The following ZNF782 variants were observed in gnomAD, a reference collection of about 807,000 sequenced individuals.
ZNF782 encodes the protein zinc finger protein 782.
A neutral mutation model predicts 13.0 loss-of-function variants in ZNF782; 12 were observed. That is an observed-to-expected ratio of 0.92 (90% CI 0.59 to 1.50). The LOEUF (loss-of-function observed/expected upper bound fraction) is 1.50. Among genes scored for constraint, ZNF782 ranks in the 40% most tolerant of loss-of-function variants. The pLI is 0.00. For missense variants in ZNF782, 770 were observed against 822.9 expected (o/e 0.94, Z 0.79); for synonymous variants, 284 against 283.0 (o/e 1.00, Z -0.04).
chr9:96,851,863 C>T, intron 3 of ZNF782, 84 bp downstream of exon 3: 1 of 1,308,878 alleles, frequency 7.6e-7, no homozygotes, highest in South Asian at 1.2e-5. Flanking sequence ...TTATCTATTT[C>T]TCCTTTTCCA....
chr9:96,864,785 A>G (rs1464729074), intron 1 of ZNF782, among the ~76,000 whole-genome samples: 1 of 151,352 alleles, frequency 6.6e-6, no homozygotes, highest in Non-Finnish European at 1.5e-5. Context: ...TAATACTAGC[A>G]CTTTGGGAGG....
rs774112250 is a variant in ZNF782, at chr9:96,844,995, C to T, written c.37G>A (p.Val13Met). The change falls in exon 4 of 6, where the codon GTG becomes ATG. Residue 13 changes from valine (V) to methionine (M), a missense_variant. Physicochemically the swap from Val to Met is conservative, Grantham distance 21. Transcript: ENST00000481138. ...TCCTCCTGGCTGAATTCCACAGTCA[C>T]GTCCTGGAATGACACTGATGCCTGT... is the stretch of plus-strand genomic sequence containing the variant. The part of the protein sequence containing the change: ...TFQASVSFQD[V>M]TVEFSQEEWQ... The T allele has an allele frequency of 5.8e-5, 93 of 1,613,858 alleles. 1 individual carries two copies. The South Asian group carries it at 8.1e-4, about 14-fold the overall frequency.
chr9:96,820,154 T>G (rs2118303399), intron 5 of ZNF782, among the ~76,000 whole-genome samples: 1 of 152,274 alleles, frequency 6.6e-6, no homozygotes, highest in East Asian at 1.9e-4. Flanking sequence ...CAACATGAAG[T>G]AGATAACAAC....
chr9:96,917,887 C>CGTGTGTGTGT, the ZNF782 span, among the ~76,000 whole-genome samples: 1,222 of 121,682 alleles, frequency 0.01, 76 homozygotes, highest in African/African-American at 0.042. Context: ...CCACCCTTGG[C>CGTGTGTGTGT]GTGTGTGTGT....
intron 5 of ZNF782, among the ~76,000 whole-genome samples, chr9:96,820,938 C>A (rs1340734360): frequency 6.6e-6 from 1 of 152,188 alleles, no homozygotes; most frequent in African/African-American, 2.4e-5. Context: ...TGTCTTTGTC[C>A]AATCCTTAAT....
At chr9:96,822,694 A>G (rs562653172) in intron 5 of ZNF782, among the ~76,000 whole-genome samples, 1 of 152,302 alleles carries the variant, frequency 6.6e-6, no homozygotes, top group African/African-American at 2.4e-5. Context: ...TTTTAAAAAC[A>G]AGTACATAAG....
At chr9:96,924,709 G>T in the ZNF782 span, among the ~76,000 whole-genome samples, 10 of 152,152 alleles carry the variant, frequency 6.6e-5, no homozygotes, top group Non-Finnish European at 1.2e-4. Context: ...GAGGACAGGA[G>T]CTACTTCTTT....
upstream of ZNF782, among the ~76,000 whole-genome samples, chr9:96,880,125 T>C (rs1851945205): frequency 1.3e-5 from 2 of 152,156 alleles, no homozygotes; most frequent in Admixed American, 1.3e-4. Context: ...GATATTTATG[T>C]GTTGGCTTTG....
the ZNF782 span, among the ~76,000 whole-genome samples, chr9:96,886,915 C>A: frequency 7.1e-6 from 1 of 140,704 alleles, no homozygotes; most frequent in African/African-American, 2.8e-5. Flanking sequence ...AGAGCAAACT[C>A]CCTCTCGAAA....
At chr9:96,859,792 A>G (rs1221455183) in intron 3 of ZNF782, among the ~76,000 whole-genome samples, 1 of 152,192 alleles carries the variant, frequency 6.6e-6, no homozygotes, top group African/African-American at 2.4e-5. Context: ...GCTCAGCTAC[A>G]GTGGAGAAGA....
the ZNF782 span, chr9:96,887,926 C>A: frequency 2.7e-5 from 4 of 148,888 alleles, no homozygotes; most frequent in Admixed American, 2.7e-4. Flanking sequence ...AGACAAAAAA[C>A]CAAACACCAC....
the ZNF782 span, among the ~76,000 whole-genome samples, chr9:96,896,480 C>T: frequency 6.6e-6 from 1 of 152,112 alleles, no homozygotes; most frequent in African/African-American, 2.4e-5. Context: ...AAAATAAATC[C>T]TATAAAAATT....
the ZNF782 span, among the ~76,000 whole-genome samples, chr9:96,910,925 C>T: frequency 1.3e-5 from 2 of 150,000 alleles, no homozygotes; most frequent in Admixed American, 6.7e-5. Flanking sequence ...CGTGAGCCAT[C>T]GCGCCCGGCC....
At chr9:96,931,164 A>T in the ZNF782 span, among the ~76,000 whole-genome samples, 3 of 152,084 alleles carry the variant, frequency 2.0e-5, no homozygotes, top group African/African-American at 4.8e-5. Context: ...CTGGGATGAC[A>T]GGCATGAACC....
At chr9:96,916,124 C>A in the ZNF782 span, among the ~76,000 whole-genome samples, 11 of 151,948 alleles carry the variant, frequency 7.2e-5, no homozygotes, top group Non-Finnish European at 1.6e-4. Flanking sequence ...TCTCTTCACT[C>A]CCTGAACAAC....
rs1381024347 is a variant in ZNF782, at chr9:96,819,788, A to G, written c.245-10T>C. 6.5e-7 allele frequency: 1 copy of G among 1,544,946 alleles called. No individual in the cohort carries two copies. Among genetic ancestry groups the G allele is most frequent in the Non-Finnish European group, 8.7e-7 (1 of 1,153,308 alleles). ...TCAGGTTGGGAGTCTTCTAAAAATG[A>G]TAAAATTAAACAAACTTTATGATAT... is the stretch of plus-strand genomic sequence containing the variant. On this transcript the variant is annotated splice_polypyrimidine_tract_variant and intron_variant, in intron 5 of 5. Transcript: ENST00000481138.
chr9:96,848,391 A>G (rs1309176492), intron 3 of ZNF782, among the ~76,000 whole-genome samples: 8 of 152,226 alleles, frequency 5.3e-5, no homozygotes. Context: ...TTTGTAGATG[A>G]TATGATCATA....
At chr9:96,830,089 C>T (rs1315456950) in intron 4 of ZNF782, among the ~76,000 whole-genome samples, 1 of 152,114 alleles carries the variant, frequency 6.6e-6, no homozygotes, top group African/African-American at 2.4e-5. Context: ...AAAAACAAGA[C>T]AAAACATAAA....
chr9:96,893,949 G>A, the ZNF782 span: 1 of 137,548 alleles, frequency 7.3e-6, no homozygotes, highest in East Asian at 2.0e-4. Context: ...GCAGTGAGCG[G>A]AGATCGCGCC....
Sources: gnomAD v4.1 joint callset for allele counts (sites outside exome capture counted in the v4.1 genomes callset) on GRCh38, gnomAD v4.1.1 for gene constraint, MANE v1.5 for transcripts, NCBI Gene and HGNC (gene_info 2026-07-23, HGNC 2026-07-21) for gene names.